Variants in GRIN2B observed in about 807,000 individuals in gnomAD.
The protein encoded by GRIN2B is glutamate ionotropic receptor NMDA type subunit 2B.
Under a neutral mutation model 114.5 loss-of-function variants are expected in GRIN2B, and 5 were observed. The observed-to-expected ratio is 0.04, with a 90% CI of 0.02 to 0.09. GRIN2B has a LOEUF of 0.09. GRIN2B is among the 10% of genes least tolerant of loss of function. The pLI, the probability that GRIN2B is intolerant of heterozygous loss-of-function variation, is 1.00. For missense variants in GRIN2B, 1,108 were observed against 1,943.5 expected, an observed-to-expected ratio of 0.57 and a Z score of 8.08; for synonymous variants, 787 against 745.1, an observed-to-expected ratio of 1.06 and a Z score of -0.92.
intron 2 of GRIN2B, among the ~76,000 whole-genome samples, chr12:13,884,361 T>C (rs1253016752): frequency 6.6e-6 from 1 of 152,160 alleles, no homozygotes; most frequent in Non-Finnish European, 1.5e-5. Context: ...TTTTATAAAA[T>C]TTATACCTAA....
At chr12:13,872,015 T>C (rs1245477395) in intron 2 of GRIN2B, among the ~76,000 whole-genome samples, 1 of 145,360 alleles carries the variant, frequency 6.9e-6, no homozygotes, top group African/African-American at 2.5e-5. Flanking sequence ...TCTGCCAAAA[T>C]AAAAAGAAGC....
intron 4 of GRIN2B, among the ~76,000 whole-genome samples, chr12:13,736,142 G>GGGC (rs1565518343): frequency 7.8e-6 from 1 of 128,486 alleles, no homozygotes; most frequent in Non-Finnish European, 1.7e-5. Flanking sequence ...AAGCGGGGGG[G>GGGC]GGGGGGGGTT....
intron 4 of GRIN2B, among the ~76,000 whole-genome samples, chr12:13,698,504 C>A (rs1389638966): frequency 6.6e-6 from 1 of 151,914 alleles, no homozygotes; most frequent in African/African-American, 2.4e-5. Context: ...AGAAAATATT[C>A]AAAAAATATA....
chr12:13,574,150 C>CATTG (rs1948743557), intron 10 of GRIN2B, among the ~76,000 whole-genome samples: 1 of 152,176 alleles, frequency 6.6e-6, no homozygotes, highest in Non-Finnish European at 1.5e-5. Context: ...CACACAGTGG[C>CATTG]ATTGATAGCT....
intron 3 of GRIN2B, among the ~76,000 whole-genome samples, chr12:13,800,019 C>T (rs1480400066): frequency 6.6e-6 from 1 of 152,136 alleles, no homozygotes; most frequent in Non-Finnish European, 1.5e-5. Flanking sequence ...GATGAAAGAT[C>T]AGCACCAGAA....
chr12:13,647,669 T>C (rs1565488006), intron 5 of GRIN2B, among the ~76,000 whole-genome samples: 1 of 151,918 alleles, frequency 6.6e-6, no homozygotes, highest in South Asian at 2.1e-4. Flanking sequence ...AGGGGCTGAA[T>C]AGAATAGAGG....
chr12:13,579,505 A>T (rs1948818352), intron 10 of GRIN2B, among the ~76,000 whole-genome samples: 1 of 152,230 alleles, frequency 6.6e-6, no homozygotes, highest in South Asian at 2.1e-4. Flanking sequence ...CAATCTGGGC[A>T]AAGTATTGGC....
chr12:13,960,067 C>T (rs543928392), intron 2 of GRIN2B, among the ~76,000 whole-genome samples: 2 of 152,182 alleles, frequency 1.3e-5, no homozygotes, highest in African/African-American at 4.8e-5. Context: ...TCTTCATTTT[C>T]AAGGGCTGTC....
rs1948618276 is a variant in GRIN2B at position 13,564,899 on chromosome 12, G to C, written c.2599-260C>G. On this transcript the variant is annotated intron_variant, in intron 13 of 13. Coordinates refer to ENST00000609686, the MANE Select transcript of GRIN2B (RefSeq NM_000834.5). This position sits in a 1 kb window ranked among gnomAD's most constrained non-coding sequence, Gnocchi z 4.8. ...GGCCCCACCCAGTAACTTGAGCAAA[G>C]GGACTGGAATCATAAGATATGGCAT... is the stretch of plus-strand genomic sequence containing the variant. 6.6e-6 allele frequency among the ~76,000 whole-genome samples: 1 copy of C among 152,226 alleles called. No individual in the cohort carries two copies. Among genetic ancestry groups the C allele is most frequent in the Non-Finnish European group, 1.5e-5 (1 of 68,032 alleles).
At chr12:13,876,332 C>T (rs1865990797) in intron 2 of GRIN2B, among the ~76,000 whole-genome samples, 1 of 152,158 alleles carries the variant, frequency 6.6e-6, no homozygotes. Context: ...AAGCATCTAG[C>T]ACAATGCAGT....
chr12:13,784,037 C>T (rs554345464), intron 3 of GRIN2B, among the ~76,000 whole-genome samples: 1 of 152,088 alleles, frequency 6.6e-6, no homozygotes, highest in African/African-American at 2.4e-5. Context: ...TCCTGACTAA[C>T]ATGGTGAAAC....
intron 3 of GRIN2B, 51 bp downstream of exon 3, chr12:13,865,747 T>G: frequency 1.4e-6 from 2 of 1,420,656 alleles, no homozygotes; most frequent in Non-Finnish European, 2.0e-6. Context: ...AATGCATGGT[T>G]TAGTCCTCAG....
At chr12:13,907,900 G>T (rs910462164) in intron 2 of GRIN2B, among the ~76,000 whole-genome samples, 1 of 152,072 alleles carries the variant, frequency 6.6e-6, no homozygotes, top group Non-Finnish European at 1.5e-5. Context: ...CTTTAAAAGA[G>T]TGTCCATGAA....
rs1164262473 is a variant in GRIN2B, at chr12:13,556,660, T to C, written c.*6123A>G. ...GTGCTTTTTAATTGTACCTTAATTCTTGCACTGAGTTCTTTCACCTTCTCC... is the reference window on the plus strand; with the variant it reads ...GTGCTTTTTAATTGTACCTTAATTCCTGCACTGAGTTCTTTCACCTTCTCC... On this transcript the variant is annotated 3_prime_UTR_variant, in exon 14 of 14. Coordinates refer to ENST00000609686, the MANE Select transcript of GRIN2B (RefSeq NM_000834.5). The C allele has an allele frequency of 6.6e-6, 1 of 152,172 alleles. No homozygotes were observed. The highest frequency in any genetic ancestry group is 2.4e-5 in the African/African-American group (1 of 41,434). 9.4% of individuals were successfully genotyped at this position (152,172 alleles called of 1,614,324 possible).
intron 3 of GRIN2B, among the ~76,000 whole-genome samples, chr12:13,823,615 T>G (rs1241667591): frequency 6.6e-6 from 1 of 152,128 alleles, no homozygotes; most frequent in Non-Finnish European, 1.5e-5. Flanking sequence ...GAAGATGGTT[T>G]TACTCTTTCC....
At chr12:13,853,611 T>G (rs77748909) in intron 3 of GRIN2B, among the ~76,000 whole-genome samples, 89 of 152,284 alleles carry the variant, frequency 5.8e-4, no homozygotes, top group African/African-American at 2.1e-3. Context: ...GCCATGTCTG[T>G]CTGCTAAAAA....
chr12:13,942,810 A>G (rs768536044), intron 2 of GRIN2B, among the ~76,000 whole-genome samples: 6 of 152,202 alleles, frequency 3.9e-5, no homozygotes, highest in Non-Finnish European at 8.8e-5. Flanking sequence ...ATATTTATCC[A>G]GAGCCTGCTG....
At chr12:13,581,894 A>G (rs1948855676) in intron 10 of GRIN2B, among the ~76,000 whole-genome samples, 1 of 135,218 alleles carries the variant, frequency 7.4e-6, no homozygotes, top group Admixed American at 7.8e-5. Context: ...TGGGTGACAG[A>G]GTGAGACTTT....
intron 5 of GRIN2B, among the ~76,000 whole-genome samples, chr12:13,651,996 C>T (rs1397398784): frequency 1.3e-5 from 2 of 152,058 alleles, no homozygotes; most frequent in Non-Finnish European, 2.9e-5. Context: ...TAGGCTGCAT[C>T]ATGCACTAGG....
Sources: allele counts gnomAD v4.1 joint callset (sites outside exome capture counted in the v4.1 genomes callset), GRCh38; gene constraint gnomAD v4.1.1; non-coding constraint Gnocchi (gnomAD v3.1); transcripts MANE v1.5; gene names NCBI Gene and HGNC (gene_info 2026-07-23, HGNC 2026-07-21).